The following AK9 variants were observed in gnomAD, a reference collection of about 807,000 sequenced individuals.
AK9 encodes the protein adenylate kinase 9.
A neutral mutation model predicts 239.6 loss-of-function variants in AK9; 191 were observed. The ratio of observed to expected loss-of-function variants is 0.80; its 90% confidence interval spans 0.71 to 0.90. The LOEUF is 0.90. AK9 is among the 40% of genes least tolerant of loss of function. The pLI is 0.00. For synonymous variants in AK9, 689 were observed against 721.0 expected (o/e 0.96, Z 0.71); for missense variants, 1,995 against 2,214.7 (o/e 0.90, Z 1.99).
intron 17 of AK9, among the ~76,000 whole-genome samples, chr6:109,591,339 T>G (rs1315516142): frequency 5.3e-5 from 8 of 152,206 alleles, no homozygotes; most frequent in Non-Finnish European, 7.4e-5. Flanking sequence ...GTATAGCTAC[T>G]CCTATTTGCT....
chr6:109,660,480 A>G (rs1441959911), intron 6 of AK9, among the ~76,000 whole-genome samples: 2 of 152,156 alleles, frequency 1.3e-5, no homozygotes, highest in African/African-American at 2.4e-5. Context: ...TGGAACCTTC[A>G]TTGCTCATTT....
rs1427742391 is a variant in AK9 at position 109,585,966 on chromosome 6, T to C, written c.1949A>G (p.Lys650Arg). 6 of 1,551,270 alleles carry C rather than the reference T, an allele frequency of 3.9e-6. No homozygotes were observed. Among genetic ancestry groups the C allele is most frequent in the Non-Finnish European group, 5.2e-6 (6 of 1,146,832 alleles). Residue 650 changes from lysine (K) to arginine (R), a missense_variant, in exon 18 of 41, where the codon AAA becomes AGA. Coordinates refer to ENST00000424296, the MANE Select transcript of AK9 (RefSeq NM_001145128.3). ...GATGACCAAATCAGGTATAATTCCT[T>C]TCTTGATTAAGGCCATCCACAATTC... is the stretch of plus-strand genomic sequence containing the variant. ...VKELWMALIK[K>R]GIIPDLVIYL...
At chr6:109,568,418 GT>G in intron 21 of AK9, among the ~76,000 whole-genome samples, 2 of 152,266 alleles carry the variant, frequency 1.3e-5, no homozygotes, top group Admixed American at 1.3e-4. Context: ...AGTGTTGGAA[GT>G]TCTGGCCAGG....
At position 109,493,558 on chromosome 6, in the gene AK9, T is replaced by C; in HGVS notation, c.5547A>G (p.Lys1849=). 6.2e-7 allele frequency: 1 copy of C among 1,613,392 alleles called. No individual in the cohort carries two copies. Among genetic ancestry groups the C allele is most frequent in the Non-Finnish European group, 8.5e-7 (1 of 1,179,808 alleles). The change falls in exon 41 of 41, where the codon AAA becomes AAG. Residue 1849 remains lysine (K), a synonymous_variant. Transcript: ENST00000424296. ...ACTTTTTTCTTGTGTATTCGGAACC[T>C]TTGGGATTAAATGCTGTAGAAAATT... ...IALHLKAFNP[K]GSEYTRKKYK...
intron 35 of AK9, among the ~76,000 whole-genome samples, chr6:109,501,237 A>G (rs1198533272): frequency 6.6e-6 from 1 of 152,184 alleles, no homozygotes; most frequent in Non-Finnish European, 1.5e-5. Context: ...GGATTTTGGA[A>G]TCACAGGCCA....
In AK9 at chr6:109,676,216, T is replaced by C. The variant is rs578073963; in HGVS notation, c.-11-460A>G. ...GAAGAAAACTTTTCCAAAAGTAATG[T>C]CATTTTTACATTTTTTCTTTTGTAA... On this transcript the variant is annotated intron_variant, in intron 1 of 40. Coordinates refer to ENST00000424296, the MANE Select transcript of AK9 (RefSeq NM_001145128.3). Among the ~76,000 whole-genome samples the C allele has an allele frequency of 2.6e-4, 40 of 152,250 alleles. 1 individual carries two copies. The highest frequency in any genetic ancestry group is 8.3e-4 in the South Asian group (4 of 4,834).
chr6:109,579,572 T>C lies in AK9; in HGVS notation c.2169A>G (p.Glu723=). The C allele has an allele frequency of 1.2e-5, 19 of 1,551,600 alleles. No individual in the cohort carries two copies. The highest frequency in any genetic ancestry group is 1.7e-5 in the Non-Finnish European group (19 of 1,146,844). The change falls in exon 20 of 41, where the codon GAA becomes GAG. Residue 723 remains glutamate (E), a synonymous_variant. Coordinates refer to ENST00000424296, the MANE Select transcript of AK9 (RefSeq NM_001145128.3). ...RLEEENRRLL[E]LMKVKAKEAE... is the part of the protein sequence containing the mutation. ...TGCCTTTTGCCTTCACTTTCATAAG[T>C]TCCAGTAGCCTTCGATTTTCTTCTT...
At chr6:109,553,318 A>T (rs987411675) in intron 24 of AK9, among the ~76,000 whole-genome samples, 2 of 152,190 alleles carry the variant, frequency 1.3e-5, no homozygotes, top group Admixed American at 1.3e-4. Context: ...CATGATATTG[A>T]TTCTTCCTAT....
At chr6:109,587,426 C>A (rs1450637061) in intron 17 of AK9, among the ~76,000 whole-genome samples, 1 of 152,134 alleles carries the variant, frequency 6.6e-6, no homozygotes, top group African/African-American at 2.4e-5. Flanking sequence ...ATATATTGCA[C>A]TGTGGTGAAG....
intron 19 of AK9, among the ~76,000 whole-genome samples, chr6:109,579,939 A>C (rs1302860410): frequency 6.6e-6 from 1 of 152,206 alleles, no homozygotes; most frequent in African/African-American, 2.4e-5. Flanking sequence ...CCTCTGATTT[A>C]ATGGTAAATG....
At chr6:109,628,014 C>T (rs1042284840) in intron 12 of AK9, among the ~76,000 whole-genome samples, 1 of 152,136 alleles carries the variant, frequency 6.6e-6, no homozygotes, top group African/African-American at 2.4e-5. Context: ...TTTGATAGGG[C>T]TCAATCTCCA....
intron 25 of AK9, 32 bp downstream of exon 25, chr6:109,550,058 G>C: frequency 6.3e-7 from 1 of 1,598,368 alleles, no homozygotes. Flanking sequence ...AATCCTGTGG[G>C]AGCAATCATT....
chr6:109,552,162 T>C lies in AK9; in HGVS notation c.2752-1860A>G, dbSNP rs923749884. On this transcript the variant is annotated intron_variant, in intron 24 of 40. Coordinates refer to ENST00000424296, the MANE Select transcript of AK9 (RefSeq NM_001145128.3). ...GGTTGGTTCCATGTCTTTTCTATTGTAAATAGTGCGACAATAAACATATGT... is the reference window on the plus strand; with the variant it reads ...GGTTGGTTCCATGTCTTTTCTATTGCAAATAGTGCGACAATAAACATATGT... Among the ~76,000 whole-genome samples, 13 of 152,346 alleles carry C rather than the reference T, an allele frequency of 8.5e-5. No homozygotes were observed. In the East Asian group the frequency reaches 1.2e-3, roughly 14 times the overall value.
intron 17 of AK9, among the ~76,000 whole-genome samples, chr6:109,592,499 T>G (rs1790405360): frequency 6.9e-6 from 1 of 144,144 alleles, no homozygotes; most frequent in South Asian, 2.3e-4. Flanking sequence ...CAGGCTGGAC[T>G]GCAGTGGCAC....
chr6:109,583,077 C>G (rs1005603716), intron 19 of AK9, among the ~76,000 whole-genome samples: 1 of 152,158 alleles, frequency 6.6e-6, no homozygotes, highest in African/African-American at 2.4e-5. Context: ...GTAAACATAA[C>G]TTTTATATGC....
At chr6:109,534,005 C>T (rs1349536237) in intron 27 of AK9, among the ~76,000 whole-genome samples, 1 of 152,008 alleles carries the variant, frequency 6.6e-6, no homozygotes, top group East Asian at 1.9e-4. Flanking sequence ...AGTTTTTCTT[C>T]TAACAGTGCT....
At chr6:109,576,923 T>C (rs1055371113) in intron 20 of AK9, among the ~76,000 whole-genome samples, 9 of 151,770 alleles carry the variant, frequency 5.9e-5, no homozygotes, top group Admixed American at 4.6e-4. Flanking sequence ...CTCCACCTCC[T>C]GGGTTCAAGC....
In AK9 at chr6:109,646,198, T is replaced by G. The variant is rs565931252; in HGVS notation, c.760-1510A>C. On this transcript the variant is annotated intron_variant, in intron 8 of 40. Transcript: ENST00000424296. ...GAGTGCCTCTAATCCTCCAAAGGAT[T>G]GCAGCCCCTCACCAGCAATGGAAGA... Among the ~76,000 whole-genome samples, 6 of 152,300 alleles carry G rather than the reference T, an allele frequency of 3.9e-5. No homozygotes were observed. In the East Asian group the frequency reaches 1.2e-3, roughly 29 times the overall value.
chr6:109,501,280 C>T (rs1278822393), intron 35 of AK9, among the ~76,000 whole-genome samples: 1 of 152,178 alleles, frequency 6.6e-6, no homozygotes, highest in Non-Finnish European at 1.5e-5. Flanking sequence ...CCTCACTGAT[C>T]TGCCTGCCTG....
Sources: allele counts gnomAD v4.1 joint callset (sites outside exome capture counted in the v4.1 genomes callset), GRCh38; gene constraint gnomAD v4.1.1; transcripts MANE v1.5; gene names NCBI Gene and HGNC (gene_info 2026-07-23, HGNC 2026-07-21).